Variants in PUM1 observed in about 807,000 individuals in gnomAD.
PUM1 encodes pumilio RNA binding family member 1.
In PUM1, 13 loss-of-function variants were observed where a neutral mutation model predicts 131.8. The observed-to-expected ratio is 0.10, with a 90% CI of 0.06 to 0.16. The LOEUF (loss-of-function observed/expected upper bound fraction) is 0.16, where lower values mean the gene tolerates loss of function less well. Among genes scored for constraint, PUM1 ranks in the 10% least tolerant of loss-of-function variants. The probability of loss-of-function intolerance (pLI) is 1.00; values close to 1 mark genes in which losing one functional copy is unlikely to be tolerated. For missense variants in PUM1, 961 were observed against 1,512.4 expected, an observed-to-expected ratio of 0.64 and a Z score of 6.05; for synonymous variants, 509 against 556.5, an observed-to-expected ratio of 0.91 and a Z score of 1.20.
chr1:31,052,450 G>A (rs1385526188), intron 2 of PUM1, among the ~76,000 whole-genome samples: 1 of 151,328 alleles, frequency 6.6e-6, no homozygotes, highest in East Asian at 1.9e-4. Context: ...CTGTCACACA[G>A]GCTGGAGTGC....
chr1:30,983,897 C>A (rs1641449117), intron 7 of PUM1, among the ~76,000 whole-genome samples: 1 of 151,978 alleles, frequency 6.6e-6, no homozygotes, highest in Non-Finnish European at 1.5e-5. Flanking sequence ...GCCACCACAC[C>A]TGGGCTATAT....
chr1:31,019,410 T>C (rs1224698281), intron 3 of PUM1, among the ~76,000 whole-genome samples: 6 of 152,182 alleles, frequency 3.9e-5, no homozygotes, highest in South Asian at 2.1e-4. Flanking sequence ...TTAGATAGAA[T>C]TGCAAACTTG....
At chr1:31,037,546 C>T (rs1056656965) in intron 2 of PUM1, among the ~76,000 whole-genome samples, 4 of 151,970 alleles carry the variant, frequency 2.6e-5, no homozygotes, top group African/African-American at 7.3e-5. Context: ...TGGTGAAACC[C>T]TGCCTCTACT....
chr1:31,041,868 T>C (rs1643828049), intron 2 of PUM1, among the ~76,000 whole-genome samples: 1 of 152,030 alleles, frequency 6.6e-6, no homozygotes, highest in Non-Finnish European at 1.5e-5. Flanking sequence ...ACATACTTTT[T>C]TTAAAAAAAA....
chr1:30,943,119 T>C (rs191630548), intron 18 of PUM1, among the ~76,000 whole-genome samples: 167 of 152,366 alleles, frequency 1.1e-3, no homozygotes, highest in Non-Finnish European at 1.9e-3. Context: ...GTATACTGTA[T>C]GGTTCTCCTT....
intron 7 of PUM1, among the ~76,000 whole-genome samples, chr1:30,987,162 C>T (rs553971721): frequency 1.3e-5 from 2 of 151,772 alleles, no homozygotes; most frequent in Non-Finnish European, 2.9e-5. Flanking sequence ...TTGGTTTGTG[C>T]CATGTTTGTA....
At chr1:31,012,826 C>T (rs1457609925) in intron 3 of PUM1, among the ~76,000 whole-genome samples, 1 of 152,030 alleles carries the variant, frequency 6.6e-6, no homozygotes, top group Non-Finnish European at 1.5e-5. Flanking sequence ...TATCAAGAAA[C>T]TCTAAGCTTC....
chr1:30,974,015 G>A lies in PUM1; in HGVS notation c.1506+636C>T, dbSNP rs936924324. Reference sequence around the variant, plus strand: ...AGGCAGGAGAACTGCTTGAATCCGGGATGCGGAGATTGCAGTGAGCTGAGA... The same window carrying A: ...AGGCAGGAGAACTGCTTGAATCCGGAATGCGGAGATTGCAGTGAGCTGAGA... On this transcript the variant is annotated intron_variant, in intron 10 of 21. Coordinates refer to ENST00000426105, the MANE Select transcript of PUM1 (RefSeq NM_001020658.2). Among the ~76,000 whole-genome samples the A allele has an allele frequency of 2.0e-5, 3 of 151,666 alleles. No homozygotes were observed. The East Asian group carries it at 5.8e-4, about 29-fold the overall frequency.
chr1:31,013,772 A>T (rs1056037613), intron 3 of PUM1, among the ~76,000 whole-genome samples: 5 of 152,188 alleles, frequency 3.3e-5, no homozygotes, highest in African/African-American at 1.2e-4. Flanking sequence ...TACTTGTAAA[A>T]ATTTTGTATT....
At position 31,052,747 on chromosome 1, in the gene PUM1, G is replaced by C. The variant is rs1306507047; in HGVS notation, c.363+6457C>G. Among the ~76,000 whole-genome samples, 3 of 149,924 alleles carry C rather than the reference G, an allele frequency of 2.0e-5. No individual in the cohort carries two copies. The East Asian group carries it at 5.9e-4, about 29-fold the overall frequency. ...AGAGCCTTGCTCTGTCGCCCAGGCT[G>C]GAGTGCAGTTGTGCGATCTCAGCTC... On this transcript the variant is annotated intron_variant, in intron 2 of 21. Coordinates refer to ENST00000426105, the MANE Select transcript of PUM1 (RefSeq NM_001020658.2).
intron 2 of PUM1, among the ~76,000 whole-genome samples, chr1:31,049,173 C>A (rs1226828707): frequency 6.6e-6 from 1 of 151,780 alleles, no homozygotes; most frequent in Admixed American, 6.6e-5. Flanking sequence ...CCACTGCACT[C>A]CAGTCTGGGT....
At chr1:31,047,962 C>G (rs917267231) in intron 2 of PUM1, among the ~76,000 whole-genome samples, 1 of 149,222 alleles carries the variant, frequency 6.7e-6, no homozygotes, top group African/African-American at 2.5e-5. Flanking sequence ...TTTAAAAGGC[C>G]GGACACAGTG....
intron 14 of PUM1, among the ~76,000 whole-genome samples, chr1:30,961,030 A>G (rs1389494442): frequency 6.6e-6 from 1 of 151,918 alleles, no homozygotes; most frequent in Admixed American, 6.6e-5. Context: ...CACCATCTCT[A>G]CTAAAAATAA....
intron 2 of PUM1, among the ~76,000 whole-genome samples, chr1:31,056,539 T>TC (rs2124599160): frequency 6.8e-6 from 1 of 147,574 alleles, no homozygotes; most frequent in Non-Finnish European, 1.5e-5. Context: ...TGCCTTGACC[T>TC]CCCAAAGTGT....
At chr1:31,013,593 T>C (rs1642700739) in intron 3 of PUM1, among the ~76,000 whole-genome samples, 1 of 152,248 alleles carries the variant, frequency 6.6e-6, no homozygotes, top group African/African-American at 2.4e-5. Flanking sequence ...TTTAACTAGC[T>C]GGTAAGACAG....
intron 20 of PUM1, among the ~76,000 whole-genome samples, chr1:30,937,419 T>C (rs1329209227): frequency 1.3e-5 from 2 of 151,988 alleles, no homozygotes; most frequent in African/African-American, 2.4e-5. Flanking sequence ...GGCAGGAGAA[T>C]TGCTTGAATC....
intron 14 of PUM1, among the ~76,000 whole-genome samples, chr1:30,958,519 C>T (rs189845522): frequency 6.6e-6 from 1 of 152,072 alleles, no homozygotes; most frequent in East Asian, 1.9e-4. Context: ...GGGGATTGTG[C>T]AAAAAACTGT....
chr1:30,960,081 C>G (rs936536217), intron 14 of PUM1, among the ~76,000 whole-genome samples: 1 of 152,116 alleles, frequency 6.6e-6, no homozygotes, highest in Non-Finnish European at 1.5e-5. Context: ...ACCTCCACCC[C>G]CTGCCAAGAT....
intron 7 of PUM1, among the ~76,000 whole-genome samples, chr1:30,986,517 C>T (rs1467722151): frequency 2.6e-5 from 4 of 151,544 alleles, no homozygotes; most frequent in Non-Finnish European, 5.9e-5. Context: ...AATGATTTTT[C>T]GTAGGCGCAT....
Sources: allele counts gnomAD v4.1 joint callset (sites outside exome capture counted in the v4.1 genomes callset), GRCh38; gene constraint gnomAD v4.1.1; transcripts MANE v1.5; gene names NCBI Gene and HGNC (gene_info 2026-07-23, HGNC 2026-07-21).